The following DCLRE1A variants were observed in gnomAD, a reference collection of about 807,000 sequenced individuals.
The protein encoded by DCLRE1A is DNA cross-link repair 1A protein.
Under a neutral mutation model 91.9 loss-of-function variants are expected in DCLRE1A, and 64 were observed. The observed-to-expected ratio is 0.70, with a 90% CI of 0.57 to 0.86. The LOEUF (loss-of-function observed/expected upper bound fraction) is 0.86, where lower values mean the gene tolerates loss of function less well. DCLRE1A is among the 40% of genes least tolerant of loss of function. The pLI is 0.00. For synonymous variants in DCLRE1A, 416 were observed against 431.1 expected, an observed-to-expected ratio of 0.96 and a Z score of 0.43; for missense variants, 1,145 against 1,213.3, an observed-to-expected ratio of 0.94 and a Z score of 0.84.
rs17235122 is a variant in DCLRE1A, at chr10:113,848,180, T to A, written c.2125+800A>T. ...TATGAAAAAAAAATTAGCCGGGCGT[T>A]GTGGCGGGTGCCTGTAGTCCCAGCT... On this transcript the variant is annotated intron_variant, in intron 2 of 8. Coordinates refer to ENST00000361384, the MANE Select transcript of DCLRE1A (RefSeq NM_014881.5). 2.0e-5 allele frequency among the ~76,000 whole-genome samples: 3 copies of A among 151,822 alleles called. No individual in the cohort carries two copies. In the East Asian group the frequency reaches 5.8e-4, roughly 29 times the overall value.
Position 113,853,278 on chromosome 10 carries a change from A to AG in DCLRE1A, c.-97dup. ...AAAAAGTTATAGAATTATTTTGCTG[A>AG]GAAAAAAAACAAAGGTAACAAAACC... On this transcript the variant is annotated 5_prime_UTR_variant, in exon 1 of 9. Transcript: ENST00000361384. 8.0e-7 allele frequency: 1 copy of AG among 1,250,490 alleles called. No individual in the cohort carries two copies. The highest frequency in any genetic ancestry group is 1.1e-6 in the Non-Finnish European group (1 of 939,478). The allele number at this position is 1,250,490 out of a possible 1,614,324, so 77.5% of individuals were successfully genotyped here. A position where few individuals can be genotyped will look rare whatever the true frequency, so the allele number is the denominator to read the frequency against.
rs760251164 is a variant in DCLRE1A, at chr10:113,837,192, A to T, written c.2832T>A (p.Ser944Arg). Residue 944 changes from serine (S) to arginine (R), a missense_variant, in exon 8 of 9, where the codon AGT (serine) becomes AGA (arginine). Physicochemically the swap from Ser to Arg is moderately radical, Grantham distance 110. Transcript: ENST00000361384. ...ATTTCCCACCACACTTCTTCAAATG[A>T]CTCTGTAAGCCCTGTTAAATTAAAA... is the stretch of plus-strand genomic sequence containing the variant. ...MMQINFKGLQ[S>R]HLKKCGGKYN... The T allele has an allele frequency of 1.2e-6, 2 of 1,611,558 alleles. No homozygotes were observed. The highest frequency in any genetic ancestry group is 2.7e-5 in the African/African-American group (2 of 74,766).
intron 3 of DCLRE1A, 107 bp from the exon 4 acceptor site, chr10:113,845,910 T>C: frequency 8.5e-6 from 8 of 945,130 alleles, no homozygotes; most frequent in East Asian, 2.4e-5. Context: ...TTCCTACTTA[T>C]ATTTAAGTAA....
rs115837543 is a variant in DCLRE1A at position 113,844,423 on chromosome 10, G to A, written c.2379-179C>T. On this transcript the variant is annotated intron_variant, in intron 4 of 8. Coordinates refer to ENST00000361384, the MANE Select transcript of DCLRE1A (RefSeq NM_014881.5). ...TTTACATCATAAAAAGAACTGGTGT[G>A]CAGGAAAGGCAGACCCAGGTTGCTC... is the stretch of plus-strand genomic sequence containing the variant. Among the ~76,000 whole-genome samples, 520 of 152,308 alleles carry A rather than the reference G, an allele frequency of 3.4e-3. 4 individuals carry two copies. The highest frequency in any genetic ancestry group is 0.012 in the African/African-American group (490 of 41,562).
chr10:113,843,023 TACACACACACACACACACAC>T lies in DCLRE1A; in HGVS notation c.2520-555_2520-536del, dbSNP rs10527278. Reference sequence around the variant, plus strand: ...CTATGTGTATATATATGTACATGTGTACACACACACACACACACACACACACACACACACACACACACACA... The same window carrying T: ...CTATGTGTATATATATGTACATGTGTACACACACACACACACACACACACA... On this transcript the variant is annotated intron_variant, in intron 5 of 8. Coordinates refer to ENST00000361384, the MANE Select transcript of DCLRE1A (RefSeq NM_014881.5). Among the ~76,000 whole-genome samples the T allele has an allele frequency of 6.0e-3, 875 of 145,982 alleles. 7 individuals carry two copies. The highest frequency in any genetic ancestry group is 0.021 in the African/African-American group (835 of 39,612).
At chr10:113,850,736 A>G (rs1845636820) in intron 1 of DCLRE1A, 92 bp from the exon 2 acceptor site, 1 of 987,348 alleles carries the variant, frequency 1.0e-6, no homozygotes, top group Non-Finnish European at 1.4e-6. Flanking sequence ...CCATTATTTA[A>G]TATCCACATT....
Position 113,850,570 on chromosome 10 carries a change from G to C in DCLRE1A, c.535C>G (p.Gln179Glu). 1 of 1,614,122 alleles carries C rather than the reference G, an allele frequency of 6.2e-7. No individual in the cohort carries two copies. Among genetic ancestry groups the C allele is most frequent in the Non-Finnish European group, 8.5e-7 (1 of 1,180,012 alleles). Residue 179 changes from glutamine (Q) to glutamate (E), a missense_variant, in exon 2 of 9, where the codon CAA becomes GAA. Physicochemically the swap from Gln to Glu is conservative, Grantham distance 29. Transcript: ENST00000361384. ...AAAGGATGATCACCAGCCCTGCTTT[G>C]AGCTAGCAGGAAGTGAGTGTATCTC... ...YKRYTHFLLA[Q>E]SRAGDHPFSS...
At chr10:113,851,548 T>C (rs1308460567) in intron 1 of DCLRE1A, among the ~76,000 whole-genome samples, 1 of 152,186 alleles carries the variant, frequency 6.6e-6, no homozygotes. Context: ...ATTTTCTACA[T>C]TAAATACTTA....
intron 7 of DCLRE1A, 88 bp from the exon 8 acceptor site, chr10:113,837,291 G>A: frequency 2.4e-6 from 3 of 1,249,540 alleles, no homozygotes; most frequent in Non-Finnish European, 3.2e-6. Context: ...ACTGGCACAG[G>A]CATGGGGAGT....
intron 8 of DCLRE1A, among the ~76,000 whole-genome samples, 158 bp from the exon 9 acceptor site, chr10:113,835,470 A>C (rs111688588): frequency 2.6e-5 from 4 of 152,240 alleles, no homozygotes; most frequent in African/African-American, 9.6e-5. Flanking sequence ...AAACTTGTTG[A>C]TATCTTTTAT....
At chr10:113,842,317 G>A (rs745413024) in intron 6 of DCLRE1A, 26 bp downstream of exon 6, 4 of 1,577,648 alleles carry the variant, frequency 2.5e-6, no homozygotes, top group Non-Finnish European at 3.5e-6. Context: ...ATATATTAAT[G>A]TAAATTAGAT....
Position 113,850,514 on chromosome 10 carries a change from A to G in DCLRE1A, c.591T>C (p.Ser197=), listed in dbSNP as rs1013064845. ...GGACGCCTGACTTAGTCTCACTGAAACTGCCACCTGACGCAGGTGATGGGC... is the reference window on the plus strand; with the variant it reads ...GGACGCCTGACTTAGTCTCACTGAAGCTGCCACCTGACGCAGGTGATGGGC... The part of the protein sequence containing the change: ...FSSPSPASGG[S]FSETKSGVLC... The change falls in exon 2 of 9, where the codon AGT becomes AGC. Residue 197 remains serine (S), a synonymous_variant. Coordinates refer to ENST00000361384, the MANE Select transcript of DCLRE1A (RefSeq NM_014881.5). The G allele has an allele frequency of 6.2e-6, 10 of 1,614,026 alleles. No homozygotes were observed. The highest frequency in any genetic ancestry group is 4.0e-5 in the African/African-American group (3 of 74,938).
rs138340772 is a variant in DCLRE1A, at chr10:113,853,021, G to A, written c.162C>T (p.Ala54=). Residue 54 remains alanine, a synonymous_variant, in exon 1 of 9, where the codon GCC becomes GCT. Transcript: ENST00000361384. ...GGTCCTTCACCTCTTTAGCTTCTGC[G>A]GCTCTTTTTCTGTTTCTACTCCGTT... ...QSKRSRNRKR[A]AEAKEVKDHE... is the part of the protein sequence containing the mutation. The A allele has an allele frequency of 8.7e-6, 14 of 1,613,592 alleles. 1 individual carries two copies. The African/African-American group carries it at 1.6e-4, about 18-fold the overall frequency.
intron 1 of DCLRE1A, among the ~76,000 whole-genome samples, chr10:113,850,958 T>G (rs1564846165): frequency 6.6e-6 from 1 of 152,152 alleles, no homozygotes; most frequent in East Asian, 1.9e-4. Flanking sequence ...ATTTCCAGAT[T>G]TATCAAAAAA....
At position 113,835,015 on chromosome 10, in the gene DCLRE1A, A is replaced by G. The variant is rs1845341339; in HGVS notation, c.*137T>C. 1 of 927,554 alleles carries G rather than the reference A, an allele frequency of 1.1e-6. No homozygotes were observed. The highest frequency in any genetic ancestry group is 1.6e-6 in the Non-Finnish European group (1 of 622,506). 57.5% of individuals were successfully genotyped at this position (927,554 alleles called of 1,614,324 possible). On this transcript the variant is annotated 3_prime_UTR_variant, in exon 9 of 9. Transcript: ENST00000361384. Reference sequence around the variant, plus strand: ...AGCACCACGAACATGTTGTTCAAACATAAATGAGAAAATAAAGTATCTGAA... The same window carrying G: ...AGCACCACGAACATGTTGTTCAAACGTAAATGAGAAAATAAAGTATCTGAA...
chr10:113,847,458 C>T (rs905199080), intron 2 of DCLRE1A, 123 bp from the exon 3 acceptor site: 1 of 1,102,904 alleles, frequency 9.1e-7, no homozygotes, highest in African/African-American at 1.6e-5. Context: ...TATTTAAAAA[C>T]TTATATCACA....
intron 1 of DCLRE1A, among the ~76,000 whole-genome samples, chr10:113,852,453 A>G (rs1354213484): frequency 6.6e-6 from 1 of 152,252 alleles, no homozygotes; most frequent in Non-Finnish European, 1.5e-5. Flanking sequence ...AGACAGTGTG[A>G]AAGTACCCAG....
chr10:113,853,811 C>T lies in DCLRE1A; in HGVS notation c.-629G>A, dbSNP rs1845700919. 1.3e-5 allele frequency: 2 copies of T among 152,360 alleles called. No homozygotes were observed. Among genetic ancestry groups the T allele is most frequent in the African/African-American group, 4.8e-5 (2 of 41,462 alleles). The allele number at this position is 152,360 out of a possible 1,614,324, so 9.4% of individuals were successfully genotyped here. A position where few individuals can be genotyped will look rare whatever the true frequency, so the allele number is the denominator to read the frequency against. ...ACTCAACCACTTCAGTTTCCCGCGA[C>T]AGTCCATGATCTTCCTCCAGCAGCA... On this transcript the variant is annotated 5_prime_UTR_variant, in exon 1 of 9. Transcript: ENST00000361384.
At chr10:113,842,746 CT>C (rs1013299740) in intron 5 of DCLRE1A, among the ~76,000 whole-genome samples, 1 of 151,904 alleles carries the variant, frequency 6.6e-6, no homozygotes, top group Non-Finnish European at 1.5e-5. Context: ...TTTTTGAAGA[CT>C]TTTTTCCTCC....
Sources: allele counts gnomAD v4.1 joint callset (sites outside exome capture counted in the v4.1 genomes callset), GRCh38; gene constraint gnomAD v4.1.1; transcripts MANE v1.5; gene names NCBI Gene and HGNC (gene_info 2026-07-23, HGNC 2026-07-21).